Variants in GPC5 observed in about 807,000 individuals in gnomAD.
GPC5 encodes glypican 5.
A neutral mutation model predicts 53.9 loss-of-function variants in GPC5; 47 were observed. The observed-to-expected ratio is 0.87, with a 90% CI of 0.69 to 1.11. The LOEUF is 1.11. Ranked by LOEUF, GPC5 falls within the 50% of genes most tolerant of loss-of-function variation. The pLI, the probability that GPC5 is intolerant of heterozygous loss-of-function variation, is 0.00. For missense variants in GPC5, 748 were observed against 713.1 expected, an observed-to-expected ratio of 1.05 and a Z score of -0.56; for synonymous variants, 286 against 263.3, an observed-to-expected ratio of 1.09 and a Z score of -0.84.
intron 7 of GPC5, among the ~76,000 whole-genome samples, chr13:92,168,337 T>A (rs992323377): frequency 6.6e-6 from 1 of 152,026 alleles, no homozygotes; most frequent in African/African-American, 2.4e-5. Flanking sequence ...AATTGGCAAA[T>A]GGGATTTAGT....
chr13:91,555,618 C>A (rs2030900955), intron 2 of GPC5, among the ~76,000 whole-genome samples: 1 of 151,914 alleles, frequency 6.6e-6, no homozygotes, highest in Admixed American at 6.6e-5. Context: ...TTTGCATAGA[C>A]CAGCTGTATT....
intron 6 of GPC5, among the ~76,000 whole-genome samples, chr13:91,974,093 A>C (rs2040272416): frequency 6.6e-6 from 1 of 152,210 alleles, no homozygotes; most frequent in Non-Finnish European, 1.5e-5. Flanking sequence ...TGGAATCTAC[A>C]GAGGCAGGCA....
At chr13:92,631,265 T>C (rs1257909285) in intron 7 of GPC5, among the ~76,000 whole-genome samples, 3 of 152,136 alleles carry the variant, frequency 2.0e-5, no homozygotes, top group African/African-American at 7.2e-5. Context: ...AAAATAACAG[T>C]AGAAGCCTGC....
chr13:92,242,450 C>T (rs2042620204), intron 7 of GPC5, among the ~76,000 whole-genome samples: 1 of 151,920 alleles, frequency 6.6e-6, no homozygotes, highest in African/African-American at 2.4e-5. Flanking sequence ...TGTTCTGATC[C>T]TATTTTTTAA....
At chr13:91,543,239 C>A (rs1296165589) in intron 2 of GPC5, among the ~76,000 whole-genome samples, 1 of 152,038 alleles carries the variant, frequency 6.6e-6, no homozygotes, top group Non-Finnish European at 1.5e-5. Flanking sequence ...GTGATCCATG[C>A]GCCTTGGCCT....
chr13:92,817,157 T>A (rs1477544669), intron 7 of GPC5, among the ~76,000 whole-genome samples: 2 of 152,028 alleles, frequency 1.3e-5, no homozygotes, highest in Non-Finnish European at 2.9e-5. Context: ...TACTTATTTT[T>A]AATTATTCAG....
chr13:92,663,856 CTATATATATATA>C lies in GPC5; in HGVS notation c.1562-202389_1562-202378del, dbSNP rs201565650. Among the ~76,000 whole-genome samples the C allele has an allele frequency of 6.6e-3, 582 of 88,344 alleles. 9 individuals are homozygous for C. The highest frequency in any genetic ancestry group is 0.013 in the East Asian group (43 of 3,186). The allele number at this position is 88,344 out of a possible 152,430, so 58.0% of individuals were successfully genotyped here. A position where few individuals can be genotyped will look rare whatever the true frequency, so the allele number is the denominator to read the frequency against. On this transcript the variant is annotated intron_variant, in intron 7 of 7. Transcript: ENST00000377067. ...CACTATATATATATACACACACACA[CTATATATATATA>C]TATATATATATATATATATATATAT...
chr13:91,406,922 T>C (rs1257659214), intron 1 of GPC5, among the ~76,000 whole-genome samples: 1 of 152,232 alleles, frequency 6.6e-6, no homozygotes, highest in Non-Finnish European at 1.5e-5. Flanking sequence ...GGTCAATACT[T>C]ATTTCTAATG....
chr13:91,541,995 A>AT (rs201081527), intron 2 of GPC5, among the ~76,000 whole-genome samples: 9,203 of 140,896 alleles, frequency 0.065, 378 homozygotes, highest in Non-Finnish European at 0.093. Flanking sequence ...ACATATTGTG[A>AT]TTTTTTCCCA....
chr13:91,950,354 C>T (rs1276333243), intron 6 of GPC5, among the ~76,000 whole-genome samples: 1 of 146,402 alleles, frequency 6.8e-6, no homozygotes, highest in East Asian at 2.2e-4. Context: ...CCTCCCTCCT[C>T]CTCCCTCCCA....
chr13:92,128,583 T>C (rs2041718540), intron 6 of GPC5, among the ~76,000 whole-genome samples: 1 of 152,218 alleles, frequency 6.6e-6, no homozygotes, highest in South Asian at 2.1e-4. Context: ...CATTACTCTG[T>C]CAGAGAACTC....
At chr13:92,812,663 A>C (rs1340214439) in intron 7 of GPC5, among the ~76,000 whole-genome samples, 1 of 151,834 alleles carries the variant, frequency 6.6e-6, no homozygotes, top group East Asian at 1.9e-4. Flanking sequence ...AAGAGGCAGA[A>C]GTAAAACTCT....
intron 7 of GPC5, among the ~76,000 whole-genome samples, chr13:92,629,978 A>T (rs1885182206): frequency 3.3e-5 from 5 of 152,216 alleles, no homozygotes; most frequent in African/African-American, 1.2e-4. Flanking sequence ...CAGGAGCAGG[A>T]GATGTTGACT....
intron 4 of GPC5, among the ~76,000 whole-genome samples, chr13:91,754,068 A>G (rs1351861693): frequency 2.0e-5 from 3 of 152,202 alleles, no homozygotes; most frequent in African/African-American, 4.8e-5. Flanking sequence ...ATCCTTTCAG[A>G]ATAAATATAG....
intron 7 of GPC5, among the ~76,000 whole-genome samples, chr13:92,362,983 A>G (rs2043580422): frequency 6.6e-6 from 1 of 151,656 alleles, no homozygotes; most frequent in Non-Finnish European, 1.5e-5. Flanking sequence ...ACAGTCTTGC[A>G]GAGTTGAGGA....
chr13:91,756,212 T>TA (rs2037288176), intron 4 of GPC5, 83 bp from the exon 5 acceptor site: 9 of 969,866 alleles, frequency 9.3e-6, no homozygotes, highest in Non-Finnish European at 1.3e-5. Flanking sequence ...ATCCTAAACA[T>TA]TATGTATAAC....
intron 7 of GPC5, among the ~76,000 whole-genome samples, chr13:92,410,182 A>G (rs191343091): frequency 6.6e-6 from 1 of 152,310 alleles, no homozygotes. Flanking sequence ...GAAGCAATGT[A>G]GAGGGTTTCT....
chr13:91,554,632 G>C (rs149359922), intron 2 of GPC5, among the ~76,000 whole-genome samples: 75 of 152,230 alleles, frequency 4.9e-4, no homozygotes, highest in African/African-American at 1.8e-3. Context: ...CATCAAGAAA[G>C]AGTCTTCTTA....
chr13:92,851,188 C>A (rs1470465776), intron 7 of GPC5, among the ~76,000 whole-genome samples: 3 of 152,120 alleles, frequency 2.0e-5, no homozygotes, highest in Non-Finnish European at 4.4e-5. Context: ...GGGAAATCTG[C>A]CCCCATGATC....
Sources: allele counts gnomAD v4.1 joint callset (sites outside exome capture counted in the v4.1 genomes callset), GRCh38; gene constraint gnomAD v4.1.1; transcripts MANE v1.5; gene names NCBI Gene and HGNC (gene_info 2026-07-23, HGNC 2026-07-21).